Variants in ST8SIA4 observed in about 807,000 individuals in gnomAD.
ST8SIA4 encodes the protein ST8 alpha-N-acetyl-neuraminide alpha-2,8-sialyltransferase 4.
ST8SIA4 carries 15 observed loss-of-function variants against 33.9 expected under a neutral mutation model. The observed-to-expected ratio is 0.44, with a 90% CI of 0.30 to 0.68. The LOEUF (loss-of-function observed/expected upper bound fraction) is 0.68, where lower values mean the gene tolerates loss of function less well. ST8SIA4 is among the 30% of genes least tolerant of loss of function. The pLI is 0.10. For synonymous variants in ST8SIA4, 171 were observed against 151.2 expected (o/e 1.13, Z -0.96); for missense variants, 321 against 428.0 (o/e 0.75, Z 2.21).
chr5:100,826,941 C>G (rs1220841693), intron 4 of ST8SIA4, among the ~76,000 whole-genome samples: 1 of 113,450 alleles, frequency 8.8e-6, no homozygotes, highest in African/African-American at 2.9e-5. Flanking sequence ...GTTTTCTATT[C>G]AGATATATGT....
At chr5:100,885,757 A>C in intron 3 of ST8SIA4, 1 of 944,530 alleles carries the variant, frequency 1.1e-6, no homozygotes, top group Non-Finnish European at 1.3e-6. Flanking sequence ...AATATCTTTT[A>C]ACCGTTAATG....
chr5:100,819,584 C>T (rs759083116), intron 4 of ST8SIA4, among the ~76,000 whole-genome samples: 2 of 152,178 alleles, frequency 1.3e-5, no homozygotes, highest in Admixed American at 6.5e-5. Flanking sequence ...CCAGCCAGTA[C>T]AAGCAAGCTC....
In ST8SIA4 at chr5:100,826,545, G is replaced by T. The variant is rs116785769; in HGVS notation, c.798-14416C>A. 7.5e-3 allele frequency among the ~76,000 whole-genome samples: 1,139 copies of T among 152,250 alleles called. 9 individuals are homozygous for T. The highest frequency in any genetic ancestry group is 0.025 in the South Asian group (119 of 4,826). ...AAGTGACAAGTGTGAAGGTCTGAAGGTTATCCTGTAGTTCAGTTATGGCTT... is the reference window on the plus strand; with the variant it reads ...AAGTGACAAGTGTGAAGGTCTGAAGTTTATCCTGTAGTTCAGTTATGGCTT... On this transcript the variant is annotated intron_variant, in intron 4 of 4. Coordinates refer to ENST00000231461, the MANE Select transcript of ST8SIA4 (RefSeq NM_005668.6).
At chr5:100,886,900 A>T (rs1392106355) in intron 2 of ST8SIA4, among the ~76,000 whole-genome samples, 1 of 152,088 alleles carries the variant, frequency 6.6e-6, no homozygotes, top group African/African-American at 2.4e-5. Context: ...TATATAGAAA[A>T]ATTGGTTTAT....
chr5:100,885,466 C>A (rs1422491829), intron 3 of ST8SIA4: 4 of 938,136 alleles, frequency 4.3e-6, no homozygotes, highest in South Asian at 4.9e-5. Context: ...TCAAAATATT[C>A]AAAAATAATG....
rs1750784501 is a variant in ST8SIA4 at position 100,810,090 on chromosome 5, C to T, written c.*1757G>A. The T allele has an allele frequency of 6.6e-6, 1 of 152,082 alleles. No individual in the cohort carries two copies. Among genetic ancestry groups the T allele is most frequent in the Non-Finnish European group, 1.5e-5 (1 of 67,996 alleles). The allele number at this position is 152,082 out of a possible 1,614,324, so 9.4% of individuals were successfully genotyped here. A position where few individuals can be genotyped will look rare whatever the true frequency, so the allele number is the denominator to read the frequency against. ...ATTGCCTGCCCAAGAAATAAGAAAT[C>T]AAAGTACAAGTGAGAATGCAGAGCT... On this transcript the variant is annotated 3_prime_UTR_variant, in exon 5 of 5. Transcript: ENST00000231461.
intron 4 of ST8SIA4, among the ~76,000 whole-genome samples, chr5:100,848,398 A>C (rs1751612192): frequency 6.7e-6 from 1 of 150,364 alleles, no homozygotes. Flanking sequence ...TGTATATTTT[A>C]TACTTTGTTA....
At chr5:100,834,213 G>C (rs934450269) in intron 4 of ST8SIA4, among the ~76,000 whole-genome samples, 1 of 152,028 alleles carries the variant, frequency 6.6e-6, no homozygotes, top group Non-Finnish European at 1.5e-5. Context: ...AAGAATAAAA[G>C]AATAATAAAA....
chr5:100,892,042 C>T (rs182057074), intron 2 of ST8SIA4, among the ~76,000 whole-genome samples: 3 of 152,086 alleles, frequency 2.0e-5, no homozygotes, highest in East Asian at 3.9e-4. Flanking sequence ...TATATCATGA[C>T]ACTAAGAGCT....
Position 100,812,084 on chromosome 5 carries a change from A to T in ST8SIA4, c.843T>A (p.Gly281=), listed in dbSNP as rs1027496193. 1.9e-6 allele frequency: 3 copies of T among 1,613,976 alleles called. No homozygotes were observed. The African/African-American group carries it at 4.0e-5, about 22-fold the overall frequency. ...NKVPIKRPST[G]LLMYTLATRF... ...TTGTGGCAAGTGTATACATGAGAAG[A>T]CCTGTGCTGGGTCTTTTGATAGGAA... The change falls in exon 5 of 5, where the codon GGT becomes GGA. Residue 281 remains glycine, a synonymous_variant. Transcript: ENST00000231461.
intron 4 of ST8SIA4, among the ~76,000 whole-genome samples, chr5:100,817,782 G>A (rs985329243): frequency 2.6e-5 from 4 of 152,294 alleles, no homozygotes; most frequent in African/African-American, 4.8e-5. Flanking sequence ...CTGCCATGAA[G>A]TAATCCTTAT....
intron 3 of ST8SIA4, among the ~76,000 whole-genome samples, chr5:100,882,585 T>C (rs1450880139): frequency 6.6e-6 from 1 of 152,182 alleles, no homozygotes; most frequent in Non-Finnish European, 1.5e-5. Context: ...ATGGGGAAAA[T>C]GTCTCCAAGG....
intron 3 of ST8SIA4, among the ~76,000 whole-genome samples, chr5:100,884,853 T>A (rs1158067454): frequency 6.6e-6 from 1 of 152,168 alleles, no homozygotes; most frequent in Non-Finnish European, 1.5e-5. Flanking sequence ...TGGGGCTAAA[T>A]CTAACAACTT....
intron 4 of ST8SIA4, among the ~76,000 whole-genome samples, chr5:100,812,944 A>G (rs926174288): frequency 2.0e-5 from 3 of 152,096 alleles, no homozygotes; most frequent in African/African-American, 4.8e-5. Flanking sequence ...TTTTGAAAAC[A>G]GCTGAAAGAG....
rs1385870138 is a variant in ST8SIA4, at chr5:100,856,124, C to T, written c.776G>A (p.Arg259Lys). Residue 259 changes from arginine (R) to lysine (K), a missense_variant, in exon 4 of 5, where the codon AGA (arginine) becomes AAA (lysine). Physicochemically the swap from Arg to Lys is conservative, Grantham distance 26 (BLOSUM62 2). Transcript: ENST00000231461. Reference sequence around the variant, plus strand: ...TTACCCTCTGACAGCATGAATAAGTCTCAATGACGGATAGGCAGTTCGCAC... The same window carrying T: ...TTACCCTCTGACAGCATGAATAAGTTTCAATGACGGATAGGCAGTTCGCAC... ...LKVRTAYPSL[R>K]LIHAVRGYWL... The T allele has an allele frequency of 6.2e-7, 1 of 1,613,984 alleles. No individual in the cohort carries two copies. Among genetic ancestry groups the T allele is most frequent in the Non-Finnish European group, 8.5e-7 (1 of 1,179,920 alleles).
At position 100,810,519 on chromosome 5, in the gene ST8SIA4, G is replaced by T. The variant is rs375275204; in HGVS notation, c.*1328C>A. 6.6e-6 allele frequency: 1 copy of T among 152,096 alleles called. No individual in the cohort carries two copies. The highest frequency in any genetic ancestry group is 2.4e-5 in the African/African-American group (1 of 41,504). 9.4% of individuals were successfully genotyped at this position (152,096 alleles called of 1,614,324 possible). On this transcript the variant is annotated 3_prime_UTR_variant, in exon 5 of 5. Coordinates refer to ENST00000231461, the MANE Select transcript of ST8SIA4 (RefSeq NM_005668.6). Reference sequence around the variant, plus strand: ...ATCAATCTAATATTTATTCTAAAGGGCAAAATGCTTCCACAAAATTATTAT... The same window carrying T: ...ATCAATCTAATATTTATTCTAAAGGTCAAAATGCTTCCACAAAATTATTAT...
intron 3 of ST8SIA4, among the ~76,000 whole-genome samples, chr5:100,869,529 G>T (rs960428958): frequency 6.6e-6 from 1 of 151,790 alleles, no homozygotes; most frequent in African/African-American, 2.4e-5. Flanking sequence ...CCTCACTTAG[G>T]GTGCCTTCTC....
In ST8SIA4 at chr5:100,807,259, C is replaced by T. The variant is rs375620112; in HGVS notation, c.*4588G>A. The T allele has an allele frequency of 2.1e-4, 32 of 152,514 alleles. No homozygotes were observed. Among genetic ancestry groups the T allele is most frequent in the East Asian group, 1.5e-3 (8 of 5,182 alleles). 9.4% of individuals were successfully genotyped at this position (152,514 alleles called of 1,614,324 possible). On this transcript the variant is annotated 3_prime_UTR_variant, in exon 5 of 5. Transcript: ENST00000231461. ...TTACAAATGATAAAACAATAATACCCGGTTGCTATACACAAACAATAAGAA... is the reference window on the plus strand; with the variant it reads ...TTACAAATGATAAAACAATAATACCTGGTTGCTATACACAAACAATAAGAA...
intron 3 of ST8SIA4, among the ~76,000 whole-genome samples, chr5:100,877,379 C>T (rs910917216): frequency 2.0e-5 from 3 of 152,118 alleles, no homozygotes; most frequent in Non-Finnish European, 2.9e-5. Context: ...ATTCTCTGGA[C>T]CTTCTAAAGT....
Sources: allele counts gnomAD v4.1 joint callset (sites outside exome capture counted in the v4.1 genomes callset), GRCh38; gene constraint gnomAD v4.1.1; transcripts MANE v1.5; gene names NCBI Gene and HGNC (gene_info 2026-07-23, HGNC 2026-07-21).